TARS3: variants seen among roughly 807,000 people sequenced by gnomAD.
TARS3 encodes threonine--tRNA ligase 2, cytoplasmic.
TARS3 carries 94 observed loss-of-function variants against 103.5 expected under a neutral mutation model. The ratio of observed to expected loss-of-function variants is 0.91; its 90% CI spans 0.77 to 1.08. The LOEUF (loss-of-function observed/expected upper bound fraction) is 1.08, where lower values mean the gene tolerates loss of function less well. TARS3 is among the 50% of genes least tolerant of loss of function. The pLI is 0.00. For missense variants in TARS3, 952 were observed against 995.2 expected (o/e 0.96, Z 0.58); for synonymous variants, 416 against 355.4 (o/e 1.17, Z -1.92).
Position 101,671,667 on chromosome 15 carries a change from T to C in TARS3, c.1866+4A>G. 1 of 1,613,936 alleles carries C rather than the reference T, an allele frequency of 6.2e-7. No homozygotes were observed. Among genetic ancestry groups the C allele is most frequent in the Non-Finnish European group, 8.5e-7 (1 of 1,179,892 alleles). ...TGCTGTTTTGAAGCATGTGGTCGAC[T>C]CACTTTAGGGCCATAAAATGCTCCA... is the stretch of plus-strand genomic sequence containing the variant. On this transcript the variant is annotated splice_donor_region_variant and intron_variant, in intron 14 of 18. Transcript: ENST00000335968.
At chr15:101,695,585 A>C (rs576800030) in intron 10 of TARS3, among the ~76,000 whole-genome samples, 3 of 149,274 alleles carry the variant, frequency 2.0e-5, no homozygotes, top group African/African-American at 5.0e-5. Flanking sequence ...AGATGCGGGC[A>C]TATGTTTTTA....
chr15:101,665,637 A>G (rs1897551462), intron 15 of TARS3, among the ~76,000 whole-genome samples: 1 of 152,190 alleles, frequency 6.6e-6, no homozygotes, highest in African/African-American at 2.4e-5. Flanking sequence ...TGTAATGTTT[A>G]TTTTACAAAC....
At chr15:101,687,463 TATTTC>T (rs1366895396) in intron 10 of TARS3, among the ~76,000 whole-genome samples, 1 of 152,154 alleles carries the variant, frequency 6.6e-6, no homozygotes, top group Non-Finnish European at 1.5e-5. Flanking sequence ...GATTATTGGC[TATTTC>T]AGATGGTTCC....
In TARS3 at chr15:101,684,138, G is replaced by A. The variant is rs12901450; in HGVS notation, c.1587C>T (p.Ser529=). ...LHRNELSGTL[S]GLTRVRRFQQ... Reference sequence around the variant, plus strand: ...GGAAGCGCCTCACTCTGGTCAAGCCGCTGAGAGTCCCCGACAGTTCATTTC... The same window carrying A: ...GGAAGCGCCTCACTCTGGTCAAGCCACTGAGAGTCCCCGACAGTTCATTTC... The change falls in exon 12 of 19, where the codon AGC becomes AGT. Residue 529 remains serine, a synonymous_variant. Transcript: ENST00000335968. 449,317 of 1,613,232 alleles carry A rather than the reference G, an allele frequency of 0.28. 70,482 individuals carry two copies. Among genetic ancestry groups the A allele is most frequent in the East Asian group, 0.71 (31,799 of 44,846 alleles).
chr15:101,697,811 T>C (rs914419469), intron 10 of TARS3, among the ~76,000 whole-genome samples: 1 of 152,186 alleles, frequency 6.6e-6, no homozygotes, highest in African/African-American at 2.4e-5. Context: ...ACGAAGGCTC[T>C]GAAGACTCTG....
At position 101,702,714 on chromosome 15, in the gene TARS3, G is replaced by A. The variant is rs528154507; in HGVS notation, c.1075-329C>T. On this transcript the variant is annotated intron_variant, in intron 8 of 18. Transcript: ENST00000335968. Reference sequence around the variant, plus strand: ...GAGCCCAGGAGGTCGAGGCTGCAGTGAGCAGTGTTTGTGCCACTGCACTCC... The same window carrying A: ...GAGCCCAGGAGGTCGAGGCTGCAGTAAGCAGTGTTTGTGCCACTGCACTCC... Among the ~76,000 whole-genome samples the A allele has an allele frequency of 2.0e-5, 3 of 152,314 alleles. No individual in the cohort carries two copies. The South Asian group carries it at 6.2e-4, about 32-fold the overall frequency.
At chr15:101,708,255 C>A (rs1463317758) in intron 6 of TARS3, among the ~76,000 whole-genome samples, 2 of 41,908 alleles carry the variant, frequency 4.8e-5, no homozygotes, top group African/African-American at 1.2e-4. Context: ...GAGACTCTGT[C>A]TGAAAAAAAA....
intron 16 of TARS3, among the ~76,000 whole-genome samples, chr15:101,659,574 C>T (rs1897303914): frequency 6.6e-6 from 1 of 152,168 alleles, no homozygotes; most frequent in Non-Finnish European, 1.5e-5. Flanking sequence ...ATGCTCAGTG[C>T]ACTGGCCCCA....
At chr15:101,676,321 C>T (rs1451196942) in intron 12 of TARS3, among the ~76,000 whole-genome samples, 1 of 152,124 alleles carries the variant, frequency 6.6e-6, no homozygotes, top group Non-Finnish European at 1.5e-5. Flanking sequence ...TCAATGTGTT[C>T]TTTCACAGTA....
chr15:101,694,466 C>T (rs182048964), intron 10 of TARS3, among the ~76,000 whole-genome samples: 1 of 152,292 alleles, frequency 6.6e-6, no homozygotes. Context: ...TGGACCAGAC[C>T]ATGGCCCCTG....
At chr15:101,654,990 A>G (rs1272006447) in intron 18 of TARS3, among the ~76,000 whole-genome samples, 2 of 152,166 alleles carry the variant, frequency 1.3e-5, no homozygotes, top group Non-Finnish European at 2.9e-5. Flanking sequence ...TTACAGACTC[A>G]CACTGACTGC....
At chr15:101,722,104 A>C (rs1400114001) in intron 2 of TARS3, among the ~76,000 whole-genome samples, 2 of 152,130 alleles carry the variant, frequency 1.3e-5, no homozygotes, top group Non-Finnish European at 2.9e-5. Flanking sequence ...GACTAAGAGC[A>C]TGTGTACTTC....
At chr15:101,664,014 C>A (rs1897482381) in intron 15 of TARS3, among the ~76,000 whole-genome samples, 1 of 152,086 alleles carries the variant, frequency 6.6e-6, no homozygotes, top group Non-Finnish European at 1.5e-5. Flanking sequence ...AGGGAAAAAC[C>A]CTTACTCAAT....
intron 7 of TARS3, among the ~76,000 whole-genome samples, chr15:101,705,460 AAC>A (rs1208254335): frequency 6.6e-6 from 1 of 152,216 alleles, no homozygotes; most frequent in Non-Finnish European, 1.5e-5. Flanking sequence ...TGTTATAGCT[AAC>A]ACCCAGGAAA....
chr15:101,695,014 G>T (rs1298861489), intron 10 of TARS3, among the ~76,000 whole-genome samples: 1 of 152,160 alleles, frequency 6.6e-6, no homozygotes, highest in African/African-American at 2.4e-5. Flanking sequence ...CATGACAGTT[G>T]CATAATAACA....
chr15:101,681,123 TCTAGAC>T (rs1567334031), intron 12 of TARS3, among the ~76,000 whole-genome samples: 1 of 152,234 alleles, frequency 6.6e-6, no homozygotes, highest in African/African-American at 2.4e-5. Flanking sequence ...TGTGTCTATT[TCTAGAC>T]TCTGTTTTGC....
rs1442627652 is a variant in TARS3 at position 101,686,038 on chromosome 15, TG to T, written c.1344del (p.Phe448LeufsTer43). 6.2e-6 allele frequency: 10 copies of T among 1,611,118 alleles called. No individual in the cohort carries two copies. The highest frequency in any genetic ancestry group is 8.5e-6 in the Non-Finnish European group (10 of 1,178,242). On this transcript the variant is annotated frameshift_variant, in exon 11 of 19. Coordinates refer to ENST00000335968, the MANE Select transcript of TARS3 (RefSeq NM_152334.3). LOFTEE classifies it high-confidence loss of function. ...TACATATTGGGAGAGAGCACCTCCG[TG>T]AAGTCCCGTTTGTGATATTCCTCCT... The part of the protein sequence containing the change: ...FIREEYHKRD[F>X]TEVLSPNMYN...
At chr15:101,704,735 C>A (rs1440172788) in intron 7 of TARS3, among the ~76,000 whole-genome samples, 2 of 149,472 alleles carry the variant, frequency 1.3e-5, no homozygotes, top group Non-Finnish European at 1.5e-5. Flanking sequence ...ACAAGCCATT[C>A]AAATTGAAAA....
At chr15:101,714,754 T>C in intron 4 of TARS3, 86 bp downstream of exon 4, 1 of 1,275,258 alleles carries the variant, frequency 7.8e-7, no homozygotes, top group Non-Finnish European at 1.0e-6. Flanking sequence ...AACTCAACAT[T>C]CGTGACTTCA....
Sources: gnomAD v4.1 joint callset for allele counts (sites outside exome capture counted in the v4.1 genomes callset) on GRCh38, gnomAD v4.1.1 for gene constraint, MANE v1.5 for transcripts, NCBI Gene and HGNC (gene_info 2026-07-23, HGNC 2026-07-21) for gene names.